ZCCHC24: variants seen among roughly 807,000 people sequenced by gnomAD.
ZCCHC24 encodes the protein zinc finger CCHC domain-containing protein 24.
A neutral mutation model predicts 26.2 loss-of-function variants in ZCCHC24; 10 were observed. The ratio of observed to expected loss-of-function variants is 0.38; its 90% CI spans 0.24 to 0.65. ZCCHC24 has a LOEUF of 0.65. Among genes scored for constraint, ZCCHC24 ranks in the 30% least tolerant of loss-of-function variants. The pLI is 0.54. For missense variants in ZCCHC24, 243 were observed against 329.1 expected (o/e 0.74, Z 2.03); for synonymous variants, 144 against 147.1 (o/e 0.98, Z 0.15).
intron 2 of ZCCHC24, among the ~76,000 whole-genome samples, chr10:79,394,795 G>A (rs1161220725): frequency 6.6e-6 from 1 of 152,166 alleles, no homozygotes; most frequent in African/African-American, 2.4e-5. Flanking sequence ...GCACTCTTTG[G>A]CCTACCCAGC....
At position 79,382,431 on chromosome 10, in the gene ZCCHC24, A is replaced by C. The variant is rs1564629392; in HGVS notation, c.*3914T>G. On this transcript the variant is annotated 3_prime_UTR_variant, in exon 4 of 4. Coordinates refer to ENST00000372336, the MANE Select transcript of ZCCHC24 (RefSeq NM_153367.4). ...AAGGCACACAACGGAATGCCATCCCAAGGGCTGCACTTCGGAGACGTCGGA... is the reference window on the plus strand; with the variant it reads ...AAGGCACACAACGGAATGCCATCCCCAGGGCTGCACTTCGGAGACGTCGGA... 1 of 152,888 alleles carries C rather than the reference A, an allele frequency of 6.5e-6. No individual in the cohort carries two copies. The allele number at this position is 152,888 out of a possible 1,614,324, so 9.5% of individuals were successfully genotyped here.
intron 2 of ZCCHC24, among the ~76,000 whole-genome samples, chr10:79,414,069 C>T (rs1201953042): frequency 6.6e-6 from 1 of 152,238 alleles, no homozygotes; most frequent in African/African-American, 2.4e-5. Flanking sequence ...TCACCCCTTC[C>T]ACCAAGACAG....
Position 79,386,351 on chromosome 10 carries a change from C to A in ZCCHC24, c.720G>T (p.Val240=). 6.2e-7 allele frequency: 1 copy of A among 1,612,818 alleles called. No individual in the cohort carries two copies. The highest frequency in any genetic ancestry group is 8.5e-7 in the Non-Finnish European group (1 of 1,179,660). Residue 240 remains valine, a synonymous_variant, in exon 4 of 4, where the codon GTG becomes GTT. Transcript: ENST00000372336. ...GGTGCGGGCGGGCAGCCCGTCACTGCACGCGACGGCAGTAGTAGCCCAGGA... is the reference window on the plus strand; with the variant it reads ...GGTGCGGGCGGGCAGCCCGTCACTGAACGCGACGGCAGTAGTAGCCCAGGA... The part of the protein sequence containing the change: ...CKVLGYYCRR[V]Q
chr10:79,435,195 C>T (rs1406082016), intron 1 of ZCCHC24, among the ~76,000 whole-genome samples: 1 of 151,988 alleles, frequency 6.6e-6, no homozygotes, highest in African/African-American at 2.4e-5. Context: ...TCTTTTTCTT[C>T]CTTTCTTTCT....
At chr10:79,401,093 G>A (rs1381429438) in intron 2 of ZCCHC24, among the ~76,000 whole-genome samples, 3 of 152,262 alleles carry the variant, frequency 2.0e-5, no homozygotes, top group African/African-American at 7.2e-5. Context: ...AGCAGGGTGG[G>A]CACTGAGAGC....
intron 1 of ZCCHC24, among the ~76,000 whole-genome samples, chr10:79,440,255 C>T (rs989141845): frequency 6.6e-6 from 1 of 152,182 alleles, no homozygotes; most frequent in African/African-American, 2.4e-5. Context: ...TGCACACAGA[C>T]TAGGATATGG....
At chr10:79,398,481 G>A (rs1489011783) in intron 2 of ZCCHC24, among the ~76,000 whole-genome samples, 2 of 152,216 alleles carry the variant, frequency 1.3e-5, no homozygotes, top group Non-Finnish European at 2.9e-5. Context: ...CACTAGGAGA[G>A]GGAGCAGAGG....
At chr10:79,404,368 C>G (rs1160920643) in intron 2 of ZCCHC24, among the ~76,000 whole-genome samples, 2 of 152,202 alleles carry the variant, frequency 1.3e-5, no homozygotes, top group Non-Finnish European at 1.5e-5. Context: ...GTTTCCTGCT[C>G]TGGCTTTCCT....
intron 3 of ZCCHC24, among the ~76,000 whole-genome samples, chr10:79,389,937 G>T (rs1160827870): frequency 6.6e-6 from 1 of 150,794 alleles, no homozygotes; most frequent in Non-Finnish European, 1.5e-5. Context: ...TTAGAGACAG[G>T]GTCACTCTCA....
intron 2 of ZCCHC24, among the ~76,000 whole-genome samples, chr10:79,424,058 C>G (rs1268367159): frequency 6.6e-6 from 1 of 151,870 alleles, no homozygotes; most frequent in African/African-American, 2.4e-5. Flanking sequence ...ATCTGTGGAC[C>G]CTAAAAGTAT....
intron 2 of ZCCHC24, among the ~76,000 whole-genome samples, chr10:79,404,277 C>T (rs1447289716): frequency 4.6e-5 from 7 of 152,224 alleles, no homozygotes; most frequent in African/African-American, 1.2e-4. Flanking sequence ...CCCAGCCAGG[C>T]GATTTGAAGT....
intron 1 of ZCCHC24, among the ~76,000 whole-genome samples, chr10:79,435,717 G>T (rs7912180): frequency 0.3 from 46,101 of 152,204 alleles, 7,300 homozygotes; most frequent in East Asian, 0.38. Flanking sequence ...GCACAGGGAC[G>T]CAGACCAGGG....
intron 2 of ZCCHC24, among the ~76,000 whole-genome samples, chr10:79,414,543 C>A (rs1386327539): frequency 6.6e-6 from 1 of 152,174 alleles, no homozygotes; most frequent in African/African-American, 2.4e-5. Flanking sequence ...ACATCTGGAA[C>A]CTCTGGATAT....
chr10:79,388,495 G>A (rs1856430320), intron 3 of ZCCHC24, among the ~76,000 whole-genome samples: 1 of 152,130 alleles, frequency 6.6e-6, no homozygotes, highest in African/African-American at 2.4e-5. Context: ...TAGAATCTGG[G>A]TCCCTGTCAC....
intron 2 of ZCCHC24, among the ~76,000 whole-genome samples, chr10:79,404,598 C>G (rs1421601106): frequency 1.3e-5 from 2 of 152,162 alleles, no homozygotes; most frequent in Non-Finnish European, 2.9e-5. Context: ...GTTTGAAAAC[C>G]ATTTGTTGTT....
rs1564630487 is a variant in ZCCHC24 at position 79,386,251 on chromosome 10, G to A, written c.*94C>T. ...CCGCAGGCCTGCGAGGGCACCCCAT[G>A]CACAGGGCGACACGCAGCCCCTCGG... On this transcript the variant is annotated 3_prime_UTR_variant, in exon 4 of 4. Coordinates refer to ENST00000372336, the MANE Select transcript of ZCCHC24 (RefSeq NM_153367.4). 1.6e-6 allele frequency: 2 copies of A among 1,227,482 alleles called. No homozygotes were observed. Among genetic ancestry groups the A allele is most frequent in the Non-Finnish European group, 2.3e-6 (2 of 851,958 alleles). The allele number at this position is 1,227,482 out of a possible 1,614,324, so 76.0% of individuals were successfully genotyped here. A position where few individuals can be genotyped will look rare whatever the true frequency, so the allele number is the denominator to read the frequency against.
chr10:79,417,680 T>TGACATCCAGGTGA (rs1300589388), intron 2 of ZCCHC24, among the ~76,000 whole-genome samples: 13 of 152,178 alleles, frequency 8.5e-5, no homozygotes, highest in African/African-American at 3.1e-4. Context: ...GGGCCACAGA[T>TGACATCCAGGTGA]GACATCCAGG....
At chr10:79,407,474 G>A (rs2132191171) in intron 2 of ZCCHC24, among the ~76,000 whole-genome samples, 1 of 152,370 alleles carries the variant, frequency 6.6e-6, no homozygotes, top group East Asian at 1.9e-4. Context: ...TCGGGGCATT[G>A]GTACACTGCA....
At chr10:79,434,489 A>G (rs545624550) in intron 1 of ZCCHC24, among the ~76,000 whole-genome samples, 1 of 152,310 alleles carries the variant, frequency 6.6e-6, no homozygotes, top group Non-Finnish European at 1.5e-5. Context: ...ACAGGATAAC[A>G]GTGACACAGA....
Sources: gnomAD v4.1 joint callset for allele counts (sites outside exome capture counted in the v4.1 genomes callset) on GRCh38, gnomAD v4.1.1 for gene constraint, MANE v1.5 for transcripts, NCBI Gene and HGNC (gene_info 2026-07-23, HGNC 2026-07-21) for gene names.